Variants in RIMS2 observed in about 807,000 individuals in gnomAD.
RIMS2 encodes the protein regulating synaptic membrane exocytosis protein 2.
Under a neutral mutation model 174.4 loss-of-function variants are expected in RIMS2, and 59 were observed. The ratio of observed to expected loss-of-function variants is 0.34; its 90% confidence interval spans 0.27 to 0.42. RIMS2 has a LOEUF of 0.42. Ranked by LOEUF, RIMS2 falls within the 10% of genes least tolerant of loss-of-function variation. The pLI is 1.00. For missense variants in RIMS2, 1,620 were observed against 1,666.3 expected (o/e 0.97, Z 0.48); for synonymous variants, 606 against 572.5 (o/e 1.06, Z -0.84).
intron 19 of RIMS2, among the ~76,000 whole-genome samples, chr8:104,188,565 A>G (rs1227560647): frequency 6.6e-6 from 1 of 151,840 alleles, no homozygotes; most frequent in Admixed American, 6.6e-5. Flanking sequence ...TATGCCCAAT[A>G]TAAGAGGTAT....
chr8:103,662,056 C>A (rs538197350), intron 1 of RIMS2, among the ~76,000 whole-genome samples: 2 of 152,264 alleles, frequency 1.3e-5, no homozygotes, highest in Non-Finnish European at 2.9e-5. Flanking sequence ...TTGTCTTCGG[C>A]CACACATAAA....
At chr8:103,618,652 A>G (rs1370984256) in intron 1 of RIMS2, among the ~76,000 whole-genome samples, 1 of 152,090 alleles carries the variant, frequency 6.6e-6, no homozygotes, top group Non-Finnish European at 1.5e-5. Flanking sequence ...CCTCTAGAGA[A>G]AGTATTCCCT....
At chr8:103,687,826 A>G (rs1249750386) in intron 1 of RIMS2, among the ~76,000 whole-genome samples, 1 of 152,140 alleles carries the variant, frequency 6.6e-6, no homozygotes, top group Non-Finnish European at 1.5e-5. Context: ...CTGTGTTGTA[A>G]CAAATGACAG....
intron 3 of RIMS2, among the ~76,000 whole-genome samples, chr8:103,845,254 C>T (rs1437640814): frequency 1.3e-5 from 2 of 152,036 alleles, no homozygotes; most frequent in Non-Finnish European, 2.9e-5. Context: ...TTGTACCATA[C>T]TCCTTTTTTA....
In RIMS2 at chr8:103,885,888, A is replaced by C. The variant is rs577353917; in HGVS notation, c.1289A>C (p.Asn430Thr). Residue 430 changes from asparagine (N) to threonine (T), a missense_variant, in exon 4 of 24, where the codon AAC becomes ACC. This residue lies in a region of RIMS2 where 1,395 missense variants were observed against 1,360.1 expected (regional missense o/e 1.03). Transcript: ENST00000504942. Reference sequence around the variant, plus strand: ...AGTTCTTATGCACAAAGGACCACAAACCATAGTCCTCCTACCCCCAGGAGG... The same window carrying C: ...AGTTCTTATGCACAAAGGACCACAACCCATAGTCCTCCTACCCCCAGGAGG... 7 of 1,612,860 alleles carry C rather than the reference A, an allele frequency of 4.3e-6. No individual in the cohort carries two copies. In the South Asian group the frequency reaches 7.7e-5, roughly 18 times the overall value.
intron 19 of RIMS2, among the ~76,000 whole-genome samples, chr8:104,154,096 A>T (rs961535093): frequency 6.6e-6 from 1 of 152,232 alleles, no homozygotes; most frequent in African/African-American, 2.4e-5. Flanking sequence ...AAGCATTTAC[A>T]TGTAAATCAT....
intron 19 of RIMS2, among the ~76,000 whole-genome samples, chr8:104,131,982 A>G (rs943292881): frequency 5.3e-5 from 8 of 152,304 alleles, no homozygotes; most frequent in Middle Eastern, 3.4e-3. Context: ...AATGTGTGAA[A>G]GATGAGAGGA....
chr8:103,943,509 A>G (rs2083024059), intron 14 of RIMS2, among the ~76,000 whole-genome samples: 1 of 152,198 alleles, frequency 6.6e-6, no homozygotes, highest in Non-Finnish European at 1.5e-5. Context: ...TATAAGAATT[A>G]ATTAGTCTCA....
chr8:103,527,041 C>A (rs1239569828), intron 1 of RIMS2, among the ~76,000 whole-genome samples: 1 of 152,112 alleles, frequency 6.6e-6, no homozygotes, highest in African/African-American at 2.4e-5. Context: ...CAAAGTATCT[C>A]CAATAATGTT....
At chr8:103,773,452 G>T (rs116233823) in intron 3 of RIMS2, among the ~76,000 whole-genome samples, 1 of 152,092 alleles carries the variant, frequency 6.6e-6, no homozygotes, top group African/African-American at 2.4e-5. Flanking sequence ...ATCAAGTGCC[G>T]GGCACGGTGG....
intron 1 of RIMS2, among the ~76,000 whole-genome samples, chr8:103,616,948 C>G (rs955293285): frequency 1.8e-4 from 28 of 152,136 alleles, no homozygotes; most frequent in African/African-American, 6.8e-4. Context: ...CTATACTCCC[C>G]AAAGCAATTT....
chr8:104,219,028 C>A (rs1190510760), intron 19 of RIMS2, among the ~76,000 whole-genome samples: 1 of 152,088 alleles, frequency 6.6e-6, no homozygotes, highest in African/African-American at 2.4e-5. Flanking sequence ...ACTAATTTCA[C>A]GTAATTTAAA....
At chr8:104,179,881 T>C (rs1326145321) in intron 19 of RIMS2, among the ~76,000 whole-genome samples, 1 of 151,832 alleles carries the variant, frequency 6.6e-6, no homozygotes. Context: ...TTTTATCTCA[T>C]CTCCCAAAGA....
chr8:103,541,304 A>G (rs974744027), intron 1 of RIMS2, among the ~76,000 whole-genome samples: 3 of 152,200 alleles, frequency 2.0e-5, no homozygotes, highest in African/African-American at 7.2e-5. Context: ...CTCAGCAGAA[A>G]CCTTACAAGC....
At chr8:104,018,459 T>C (rs556243790) in intron 19 of RIMS2, among the ~76,000 whole-genome samples, 1 of 152,214 alleles carries the variant, frequency 6.6e-6, no homozygotes, top group Admixed American at 6.5e-5. Context: ...TTAAGCTATC[T>C]AGGCAATTTG....
intron 14 of RIMS2, among the ~76,000 whole-genome samples, chr8:103,952,960 G>A (rs1334955826): frequency 6.6e-6 from 1 of 152,162 alleles, no homozygotes; most frequent in African/African-American, 2.4e-5. Context: ...AGCATTTTGT[G>A]AAGCATACAT....
chr8:103,809,236 A>G (rs1000857434), intron 3 of RIMS2, among the ~76,000 whole-genome samples: 1 of 151,286 alleles, frequency 6.6e-6, no homozygotes, highest in African/African-American at 2.4e-5. Flanking sequence ...GCCAATGCTT[A>G]TCATTCCATG....
At chr8:103,675,819 T>C (rs1271354109) in intron 1 of RIMS2, among the ~76,000 whole-genome samples, 1 of 152,168 alleles carries the variant, frequency 6.6e-6, no homozygotes, top group African/African-American at 2.4e-5. Flanking sequence ...AAGCAGATCT[T>C]TTAGCTTTTA....
intron 1 of RIMS2, among the ~76,000 whole-genome samples, chr8:103,536,665 C>T (rs759676662): frequency 1.3e-5 from 2 of 152,036 alleles, no homozygotes; most frequent in Non-Finnish European, 2.9e-5. Context: ...AGGTGCTATA[C>T]GCTTTTAAAT....
Sources: allele counts gnomAD v4.1 joint callset (sites outside exome capture counted in the v4.1 genomes callset), GRCh38; gene constraint gnomAD v4.1.1; regional missense constraint gnomAD v4.1.1; transcripts MANE v1.5; gene names NCBI Gene and HGNC (gene_info 2026-07-23, HGNC 2026-07-21).